Variants in DOCK9 observed in about 807,000 individuals in gnomAD.
DOCK9 encodes the protein dedicator of cytokinesis 9, also known as dedicator of cytokinesis protein 9.
In DOCK9, 89 loss-of-function variants were observed where a neutral mutation model predicts 263.3. The ratio of observed to expected loss-of-function variants is 0.34; its 90% confidence interval spans 0.28 to 0.40. The LOEUF (loss-of-function observed/expected upper bound fraction) is 0.40, where lower values mean the gene tolerates loss of function less well. Among genes scored for constraint, DOCK9 ranks in the 10% least tolerant of loss-of-function variants. The probability of loss-of-function intolerance (pLI) is 1.00; values close to 1 mark genes in which losing one functional copy is unlikely to be tolerated. For missense variants in DOCK9, 2,140 were observed against 2,603.4 expected (o/e 0.82, Z 3.87); for synonymous variants, 976 against 973.1 (o/e 1.00, Z -0.06).
chr13:99,043,552 C>T (rs1421642407), intron 1 of DOCK9, among the ~76,000 whole-genome samples: 1 of 152,166 alleles, frequency 6.6e-6, no homozygotes, highest in Non-Finnish European at 1.5e-5. Context: ...GCAGAGGACT[C>T]AGACACTTGC....
intron 49 of DOCK9, among the ~76,000 whole-genome samples, chr13:98,801,842 C>A (rs1477295425): frequency 1.3e-5 from 2 of 152,202 alleles, no homozygotes; most frequent in East Asian, 3.8e-4. Context: ...GATGGGCCAC[C>A]CAACATCTGG....
intron 1 of DOCK9, among the ~76,000 whole-genome samples, chr13:99,053,006 C>T (rs2040771355): frequency 1.3e-5 from 2 of 152,226 alleles, no homozygotes; most frequent in South Asian, 2.1e-4. Context: ...AGGGATTCGC[C>T]GTTGGGATGA....
chr13:98,873,530 C>G (rs149655711), intron 27 of DOCK9, among the ~76,000 whole-genome samples: 1 of 152,202 alleles, frequency 6.6e-6, no homozygotes, highest in Non-Finnish European at 1.5e-5. Context: ...CAGCTAGGTA[C>G]CGTCATGGCT....
intron 2 of DOCK9, among the ~76,000 whole-genome samples, chr13:98,942,771 T>C (rs2056153353): frequency 6.6e-6 from 1 of 152,200 alleles, no homozygotes; most frequent in African/African-American, 2.4e-5. Flanking sequence ...ACCTAGGCTA[T>C]AGGGTGTAGC....
At chr13:99,021,496 G>A (rs757618522) in intron 1 of DOCK9, among the ~76,000 whole-genome samples, 35 of 151,880 alleles carry the variant, frequency 2.3e-4, no homozygotes, top group African/African-American at 7.5e-4. Context: ...AAAATTAGCC[G>A]GGCGTGGTGG....
At chr13:99,021,465 C>T in intron 1 of DOCK9, among the ~76,000 whole-genome samples, 1 of 151,906 alleles carries the variant, frequency 6.6e-6, no homozygotes, top group South Asian at 2.1e-4. Flanking sequence ...CGGTGAAACC[C>T]TGTCTGTACT....
At chr13:99,048,663 A>T (rs1227915690) in intron 1 of DOCK9, among the ~76,000 whole-genome samples, 1 of 152,170 alleles carries the variant, frequency 6.6e-6, no homozygotes, top group East Asian at 1.9e-4. Context: ...AATATTTTCA[A>T]CTGACTTTCT....
chr13:98,871,512 A>G (rs1156657986), intron 27 of DOCK9, among the ~76,000 whole-genome samples: 2 of 152,252 alleles, frequency 1.3e-5, no homozygotes, highest in African/African-American at 4.8e-5. Flanking sequence ...AAAACAAACT[A>G]AAGTCTTTTT....
intron 27 of DOCK9, among the ~76,000 whole-genome samples, chr13:98,874,671 C>T (rs2094283423): frequency 6.6e-6 from 1 of 152,136 alleles, no homozygotes; most frequent in South Asian, 2.1e-4. Context: ...AGTTAGAGAG[C>T]TAAACAAATA....
chr13:98,824,360 C>T (rs773431519), intron 45 of DOCK9, 38 bp downstream of exon 45: 1 of 1,576,998 alleles, frequency 6.3e-7, no homozygotes, highest in African/African-American at 1.3e-5. Context: ...TCCCAGATAC[C>T]CCAGTACCTG....
intron 1 of DOCK9, among the ~76,000 whole-genome samples, chr13:98,997,910 CCAA>C: frequency 6.6e-6 from 1 of 152,210 alleles, no homozygotes; most frequent in South Asian, 2.1e-4. Flanking sequence ...CCACCCTTGA[CCAA>C]CACAGCAGAT....
intron 1 of DOCK9, among the ~76,000 whole-genome samples, chr13:98,963,166 TA>T (rs1277102096): frequency 6.6e-6 from 1 of 152,114 alleles, no homozygotes; most frequent in Non-Finnish European, 1.5e-5. Flanking sequence ...CACACTTCCC[TA>T]CACCTCCCAT....
chr13:98,943,129 C>A (rs142230726), intron 2 of DOCK9, among the ~76,000 whole-genome samples: 1 of 152,240 alleles, frequency 6.6e-6, no homozygotes, highest in African/African-American at 2.4e-5. Context: ...CCACACTGCT[C>A]CTGTCAGAGC....
intron 45 of DOCK9, among the ~76,000 whole-genome samples, chr13:98,820,143 C>T (rs554217305): frequency 6.6e-6 from 1 of 152,316 alleles, no homozygotes; most frequent in South Asian, 2.1e-4. Flanking sequence ...TTTCATTAAC[C>T]AATCAATACC....
intron 10 of DOCK9, 138 bp from the exon 11 acceptor site, chr13:98,903,250 T>G (rs1433350853): frequency 1.4e-6 from 1 of 699,430 alleles, no homozygotes. Context: ...TGCTATTATA[T>G]AATCGGTTTC....
intron 1 of DOCK9, among the ~76,000 whole-genome samples, chr13:98,974,791 A>G (rs1555435824): frequency 6.7e-6 from 1 of 148,446 alleles, no homozygotes; most frequent in Non-Finnish European, 1.5e-5. Context: ...TCCACCTCCA[A>G]AAAAAGAAAG....
At chr13:98,987,532 T>C (rs1178179279) in intron 1 of DOCK9, among the ~76,000 whole-genome samples, 3 of 152,244 alleles carry the variant, frequency 2.0e-5, no homozygotes, top group Non-Finnish European at 2.9e-5. Context: ...AGGTTTACGA[T>C]GTTACATAAG....
chr13:99,016,207 A>G (rs1885387729), intron 1 of DOCK9, among the ~76,000 whole-genome samples: 1 of 152,224 alleles, frequency 6.6e-6, no homozygotes, highest in Non-Finnish European at 1.5e-5. Flanking sequence ...AGGAAAAAAA[A>G]AAGTCCAAAA....
intron 38 of DOCK9, among the ~76,000 whole-genome samples, chr13:98,842,491 G>A (rs1230243552): frequency 6.6e-6 from 1 of 152,084 alleles, no homozygotes; most frequent in Admixed American, 6.5e-5. Context: ...TTATACCAGT[G>A]GAAAATATGA....
Sources: allele counts gnomAD v4.1 joint callset (sites outside exome capture counted in the v4.1 genomes callset), GRCh38; gene constraint gnomAD v4.1.1; transcripts MANE v1.5; gene names NCBI Gene and HGNC (gene_info 2026-07-23, HGNC 2026-07-21).